The following NGLY1 variants were observed in gnomAD, a reference collection of about 807,000 sequenced individuals.
The protein encoded by NGLY1 is peptide-N(4)-(N-acetyl-beta-glucosaminyl)asparagine amidase.
Under a neutral mutation model 84.6 loss-of-function variants are expected in NGLY1, and 68 were observed. The observed-to-expected ratio is 0.80, with a 90% CI of 0.66 to 0.98. NGLY1 has a LOEUF of 0.98. Among genes scored for constraint, NGLY1 ranks in the 50% least tolerant of loss-of-function variants. The pLI, the probability that NGLY1 is intolerant of heterozygous loss-of-function variation, is 0.00. For missense variants in NGLY1, 779 were observed against 770.2 expected, an observed-to-expected ratio of 1.01 and a Z score of -0.14; for synonymous variants, 280 against 275.2, an observed-to-expected ratio of 1.02 and a Z score of -0.17.
At chr3:25,777,509 A>G (rs948145457) in intron 2 of NGLY1, among the ~76,000 whole-genome samples, 1 of 151,280 alleles carries the variant, frequency 6.6e-6, no homozygotes, top group Non-Finnish European at 1.5e-5. Flanking sequence ...CTGCCTCCCT[A>G]TGCAGCTTAT....
At chr3:25,743,244 GA>G (rs1559539968) in intron 4 of NGLY1, among the ~76,000 whole-genome samples, 1 of 152,170 alleles carries the variant, frequency 6.6e-6, no homozygotes, top group African/African-American at 2.4e-5. Flanking sequence ...GGAACTGTAA[GA>G]ATAAATTTCT....
chr3:25,775,229 T>C (rs1419392204), intron 2 of NGLY1, among the ~76,000 whole-genome samples: 3 of 152,254 alleles, frequency 2.0e-5, no homozygotes, highest in African/African-American at 7.2e-5. Context: ...AAGTTCACGA[T>C]GTGAGTTTCC....
rs149203423 is a variant in NGLY1, at chr3:25,755,051, G to T, written c.493-3788C>A. On this transcript the variant is annotated intron_variant, in intron 3 of 11. Coordinates refer to ENST00000280700, the MANE Select transcript of NGLY1 (RefSeq NM_018297.4). ...GGTTATAAATCAAATTTTGGAATTT[G>T]CTTTCCGAAATGTGACTACAATTCT... 1.4e-5 allele frequency: 18 copies of T among 1,304,576 alleles called. No individual in the cohort carries two copies. The African/African-American group carries it at 1.5e-4, about 11-fold the overall frequency. 80.8% of individuals were successfully genotyped at this position (1,304,576 alleles called of 1,614,324 possible). A position where few individuals can be genotyped will look rare whatever the true frequency, so the allele number is the denominator to read the frequency against.
In NGLY1 at chr3:25,789,719, A is replaced by G. The variant is rs1201182174; in HGVS notation, c.5+142T>C. ...TAATAACGTTGCGAGCTATAGCAAT[A>G]ACTTTGAAACTGCAGAGAATTTCCT... On this transcript the variant is annotated intron_variant, in intron 1 of 11. Transcript: ENST00000417874. 9.6e-5 allele frequency: 101 copies of G among 1,054,626 alleles called. No individual in the cohort carries two copies. In the East Asian group the frequency reaches 2.5e-3, roughly 26 times the overall value. The allele number at this position is 1,054,626 out of a possible 1,614,324, so 65.3% of individuals were successfully genotyped here. A position where few individuals can be genotyped will look rare whatever the true frequency, so the allele number is the denominator to read the frequency against.
chr3:25,738,170 T>G (rs772844317), intron 5 of NGLY1, among the ~76,000 whole-genome samples: 1 of 152,214 alleles, frequency 6.6e-6, no homozygotes, highest in Non-Finnish European at 1.5e-5. Flanking sequence ...GTGGTATAGC[T>G]AGCTCACTGT....
At chr3:25,789,849 T>C (rs1426044238) in intron 1 of NGLY1, 1 of 1,551,696 alleles carries the variant, frequency 6.4e-7, no homozygotes, top group South Asian at 1.2e-5. Flanking sequence ...TTTTGATGGG[T>C]GAAAATGCTA....
chr3:25,767,928 C>T (rs1248546074), intron 2 of NGLY1, among the ~76,000 whole-genome samples: 1 of 150,586 alleles, frequency 6.6e-6, no homozygotes, highest in Non-Finnish European at 1.5e-5. Flanking sequence ...TGCTGGCCAA[C>T]ATGGCGAAAC....
intron 9 of NGLY1, chr3:25,729,670 C>T (rs1212296861): frequency 1.2e-5 from 2 of 160,494 alleles, no homozygotes; most frequent in African/African-American, 4.8e-5. Flanking sequence ...CAACTCTTAC[C>T]TCTCCTATCC....
Position 25,740,857 on chromosome 3 carries a change from C to T in NGLY1, c.659-1058G>A, listed in dbSNP as rs925565652. On this transcript the variant is annotated intron_variant, in intron 4 of 11. Transcript: ENST00000280700. ...AATTTGACAAGCTAGCCAGGTGTGGCGGCTCACAGCTCTAATCCCAGCACT... is the reference window on the plus strand; with the variant it reads ...AATTTGACAAGCTAGCCAGGTGTGGTGGCTCACAGCTCTAATCCCAGCACT... 5.3e-5 allele frequency among the ~76,000 whole-genome samples: 8 copies of T among 151,952 alleles called. No individual in the cohort carries two copies. The South Asian group carries it at 8.3e-4, about 16-fold the overall frequency.
intron 3 of NGLY1, among the ~76,000 whole-genome samples, chr3:25,752,732 T>C (rs1706823250): frequency 6.6e-6 from 1 of 151,818 alleles, no homozygotes; most frequent in African/African-American, 2.4e-5. Flanking sequence ...GTAGATCGTT[T>C]GAGCCCAGGA....
chr3:25,787,979 A>C (rs965115960), upstream of NGLY1, among the ~76,000 whole-genome samples: 14 of 152,200 alleles, frequency 9.2e-5, no homozygotes, highest in Non-Finnish European at 2.1e-4. Context: ...ATTTCTCTGA[A>C]GCCTTTTCTG....
intron 2 of NGLY1, among the ~76,000 whole-genome samples, chr3:25,775,645 A>T (rs1226540887): frequency 2.0e-5 from 3 of 152,152 alleles, no homozygotes; most frequent in Non-Finnish European, 4.4e-5. Flanking sequence ...TTAAATAAAA[A>T]TTTAAAAAAA....
intron 10 of NGLY1, among the ~76,000 whole-genome samples, chr3:25,723,281 G>T (rs1705096236): frequency 6.6e-6 from 1 of 152,092 alleles, no homozygotes; most frequent in Non-Finnish European, 1.5e-5. Flanking sequence ...GGCATCATCA[G>T]CTTTTAAGAC....
rs544994318 is a variant in NGLY1, at chr3:25,755,159, G to C, written c.493-3896C>G. On this transcript the variant is annotated intron_variant, in intron 3 of 11. Transcript: ENST00000280700. ...TGTGAGACTGGCAATCCAGTGTCGT[G>C]CTGATCTTTTTACCTCTCTTCCCCC... 180 of 1,265,014 alleles carry C rather than the reference G, an allele frequency of 1.4e-4. No individual in the cohort carries two copies. In the East Asian group the frequency reaches 2.9e-3, roughly 20 times the overall value. 78.4% of individuals were successfully genotyped at this position (1,265,014 alleles called of 1,614,324 possible).
intron 9 of NGLY1, among the ~76,000 whole-genome samples, chr3:25,732,054 T>G (rs1705565775): frequency 6.6e-6 from 1 of 152,174 alleles, no homozygotes; most frequent in African/African-American, 2.4e-5. Flanking sequence ...TTCCTGTATA[T>G]TCTTCAGTAA....
chr3:25,726,655 G>A (rs1369576151), intron 10 of NGLY1, among the ~76,000 whole-genome samples: 1 of 152,212 alleles, frequency 6.6e-6, no homozygotes, highest in African/African-American at 2.4e-5. Context: ...GCAAGGACCA[G>A]ATTTGGAAAA....
At chr3:25,787,903 C>G (rs1368097769), upstream of NGLY1, among the ~76,000 whole-genome samples, 5 of 152,150 alleles carry the variant, frequency 3.3e-5, no homozygotes, top group Non-Finnish European at 7.3e-5. Context: ...TCTCCTCCTG[C>G]CAGGATGCCC....
chr3:25,747,656 TA>T lies in NGLY1; in HGVS notation c.658+3441del, dbSNP rs775634389. Among the ~76,000 whole-genome samples, 313 of 152,224 alleles carry T rather than the reference TA, an allele frequency of 2.1e-3. 2 individuals are homozygous for T. Among genetic ancestry groups the T allele is most frequent in the African/African-American group, 7.1e-3 (295 of 41,544 alleles). On this transcript the variant is annotated intron_variant, in intron 4 of 11. Coordinates refer to ENST00000280700, the MANE Select transcript of NGLY1 (RefSeq NM_018297.4). Reference sequence around the variant, plus strand: ...GTCAATACTCTCACCTTTAAAACAATAAAAAGCTCAACTGAAATCAGTGACT... The same window carrying T: ...GTCAATACTCTCACCTTTAAAACAATAAAAGCTCAACTGAAATCAGTGACT...
chr3:25,774,226 G>A (rs893044033), intron 2 of NGLY1, among the ~76,000 whole-genome samples: 3 of 152,182 alleles, frequency 2.0e-5, no homozygotes, highest in African/African-American at 7.2e-5. Context: ...TTGCTGTAAT[G>A]GTTTCAGTTG....
Sources: gnomAD v4.1 joint callset for allele counts (sites outside exome capture counted in the v4.1 genomes callset) on GRCh38, gnomAD v4.1.1 for gene constraint, MANE v1.5 for transcripts, NCBI Gene and HGNC (gene_info 2026-07-23, HGNC 2026-07-21) for gene names.